The following LCP2 variants were observed in gnomAD, a reference collection of about 807,000 sequenced individuals.
LCP2 encodes the protein 76 kDa tyrosine phosphoprotein.
In LCP2, 29 loss-of-function variants were observed where a neutral mutation model predicts 74.5. The observed-to-expected ratio is 0.39, with a 90% CI of 0.29 to 0.53. The LOEUF (loss-of-function observed/expected upper bound fraction) is 0.53. LCP2 is among the 20% of genes least tolerant of loss of function. LCP2 has a pLI of 0.72. For synonymous variants in LCP2, 228 were observed against 229.5 expected (o/e 0.99, Z 0.06); for missense variants, 604 against 634.6 (o/e 0.95, Z 0.52).
chr5:170,284,468 T>C (rs1157401487), intron 3 of LCP2, among the ~76,000 whole-genome samples: 1 of 151,818 alleles, frequency 6.6e-6, no homozygotes, highest in African/African-American at 2.4e-5. Context: ...TTTTTTTTTT[T>C]TCTGACTGCT....
chr5:170,267,123 G>A, intron 8 of LCP2, 48 bp from the exon 9 acceptor site: 1 of 1,586,972 alleles, frequency 6.3e-7, no homozygotes, highest in Non-Finnish European at 8.6e-7. Context: ...ACATCAGCAA[G>A]AGCCGGCACT....
In LCP2 at chr5:170,256,407, G is replaced by A. The variant is rs939344918; in HGVS notation, c.1150+119C>T. ...AGACACGGAATTAAATGTTGAATGA[G>A]GAAATCAGATGCTTTTAGGAAACAA... On this transcript the variant is annotated intron_variant, in intron 17 of 20. Transcript: ENST00000046794. The surrounding 1 kb of genome is among the most constrained non-coding windows in gnomAD (Gnocchi z 4.5). The A allele has an allele frequency of 2.8e-5, 23 of 816,824 alleles. No homozygotes were observed. In the African/African-American group the frequency reaches 3.2e-4, roughly 12 times the overall value. 50.6% of individuals were successfully genotyped at this position (816,824 alleles called of 1,614,324 possible).
intron 7 of LCP2, among the ~76,000 whole-genome samples, chr5:170,269,880 G>A (rs887956301): frequency 6.6e-6 from 1 of 152,166 alleles, no homozygotes; most frequent in Non-Finnish European, 1.5e-5. Context: ...CTTGATCATG[G>A]TTGTCCTTAT....
At chr5:170,291,672 G>A (rs1189544647) in intron 2 of LCP2, among the ~76,000 whole-genome samples, 1 of 152,210 alleles carries the variant, frequency 6.6e-6, no homozygotes, top group Admixed American at 6.5e-5. Flanking sequence ...CACCCACTAT[G>A]ACCCAGTCCA....
intron 3 of LCP2, among the ~76,000 whole-genome samples, chr5:170,282,379 G>C (rs1362952066): frequency 6.6e-6 from 1 of 152,150 alleles, no homozygotes; most frequent in African/African-American, 2.4e-5. Flanking sequence ...ACAGCACCAG[G>C]CAATTTCTGT....
rs144192447 is a variant in LCP2, at chr5:170,293,405, C to T, written c.79-33G>A. The T allele has an allele frequency of 5.8e-5, 90 of 1,558,826 alleles. No individual in the cohort carries two copies. The African/African-American group carries it at 6.2e-4, about 11-fold the overall frequency. On this transcript the variant is annotated intron_variant, in intron 1 of 20. Coordinates refer to ENST00000046794, the MANE Select transcript of LCP2 (RefSeq NM_005565.5). Reference sequence around the variant, plus strand: ...GAGAAGGGGAAGGTGTTGTTAGTGACGGGCAGTCTCTTACCATTGGTTCCT... The same window carrying T: ...GAGAAGGGGAAGGTGTTGTTAGTGATGGGCAGTCTCTTACCATTGGTTCCT...
chr5:170,253,298 C>A (rs1451132103), intron 17 of LCP2, 85 bp from the exon 18 acceptor site: 4 of 888,470 alleles, frequency 4.5e-6, no homozygotes, highest in Non-Finnish European at 6.9e-6. Context: ...TCCCCCCACT[C>A]CCCCAAAAAA....
intron 3 of LCP2, among the ~76,000 whole-genome samples, chr5:170,283,631 A>G (rs1018979179): frequency 6.6e-6 from 1 of 152,098 alleles, no homozygotes; most frequent in African/African-American, 2.4e-5. Flanking sequence ...TGCTCACTTC[A>G]CTAACACTCT....
chr5:170,268,260 A>G (rs556330909), intron 8 of LCP2, 125 bp downstream of exon 8: 1 of 165,088 alleles, frequency 6.1e-6, no homozygotes, highest in African/African-American at 2.4e-5. Flanking sequence ...CCGAGGGAAA[A>G]GATTATAATC....
intron 7 of LCP2, among the ~76,000 whole-genome samples, chr5:170,270,026 G>A (rs1761867720): frequency 6.6e-6 from 1 of 152,178 alleles, no homozygotes; most frequent in Admixed American, 6.5e-5. Context: ...AATTTTCAGC[G>A]TACTCTCTGA....
At chr5:170,255,139 C>T (rs1486861842) in intron 17 of LCP2, among the ~76,000 whole-genome samples, 1 of 152,108 alleles carries the variant, frequency 6.6e-6, no homozygotes, top group Non-Finnish European at 1.5e-5. Flanking sequence ...TTGCAAAACA[C>T]AGAGAATTTT....
chr5:170,265,266 C>G (rs140565502), intron 10 of LCP2, among the ~76,000 whole-genome samples: 2,960 of 152,212 alleles, frequency 0.019, 104 homozygotes, highest in African/African-American at 0.068. Context: ...GGATTACAGG[C>G]ATGAGCCACC....
intron 3 of LCP2, 45 bp downstream of exon 3, chr5:170,287,925 C>T (rs1762211631): frequency 6.3e-7 from 1 of 1,583,336 alleles, no homozygotes; most frequent in Admixed American, 1.7e-5. Context: ...CTCCCCATTC[C>T]CACCTCTGCT....
intron 1 of LCP2, among the ~76,000 whole-genome samples, 182 bp downstream of exon 1, chr5:170,297,352 G>A (rs991499466): frequency 1.1e-4 from 17 of 152,118 alleles, no homozygotes; most frequent in Non-Finnish European, 2.4e-4. Flanking sequence ...CCTTCTCTCC[G>A]GAACTCATGG....
intron 2 of LCP2, among the ~76,000 whole-genome samples, chr5:170,289,698 T>C (rs886194177): frequency 9.2e-5 from 13 of 141,290 alleles, no homozygotes; most frequent in Admixed American, 7.9e-4. Flanking sequence ...TCTTTCTTTC[T>C]TTCCTTCTTT....
Position 170,258,895 on chromosome 5 carries a change from A to G in LCP2, c.958-17T>C. On this transcript the variant is annotated splice_polypyrimidine_tract_variant and intron_variant, in intron 14 of 20. Transcript: ENST00000046794. ...ATCTTCATCCTGGGAAGGGGAAGAA[A>G]AAAAAAGATATTAAGCTATCATCAA... is the stretch of plus-strand genomic sequence containing the variant. The G allele has an allele frequency of 1.3e-6, 2 of 1,557,364 alleles. No homozygotes were observed. Among genetic ancestry groups the G allele is most frequent in the Non-Finnish European group, 1.8e-6 (2 of 1,138,474 alleles).
Position 170,258,077 on chromosome 5 carries a change from G to C in LCP2, c.1060C>G (p.Pro354Ala). 4.3e-6 allele frequency: 7 copies of C among 1,613,898 alleles called. No homozygotes were observed. The highest frequency in any genetic ancestry group is 5.9e-6 in the Non-Finnish European group (7 of 1,179,790). Residue 354 changes from proline (P) to alanine (A), a missense_variant, in exon 16 of 21, where the codon CCT becomes GCT. Coordinates refer to ENST00000046794, the MANE Select transcript of LCP2 (RefSeq NM_005565.5). ...CCAGGCATGTGAGAGGATGGGAGAG[G>C]GTTCATGGGACTTGGCTTAGTAGAT... ...SRSTKPSPMN[P>A]LPSSHMPGAF...
chr5:170,280,954 A>G (rs1186307632), intron 3 of LCP2, among the ~76,000 whole-genome samples: 3 of 152,206 alleles, frequency 2.0e-5, no homozygotes, highest in Non-Finnish European at 2.9e-5. Flanking sequence ...CAGTGAGCCA[A>G]GATTGCGCCA....
intron 20 of LCP2, among the ~76,000 whole-genome samples, chr5:170,249,641 T>C (rs1049027064): frequency 6.6e-6 from 1 of 152,078 alleles, no homozygotes; most frequent in Middle Eastern, 3.2e-3. Flanking sequence ...CTTCATGATC[T>C]CTCTGCTGTG....
Sources: allele counts gnomAD v4.1 joint callset (sites outside exome capture counted in the v4.1 genomes callset), GRCh38; gene constraint gnomAD v4.1.1; non-coding constraint Gnocchi (gnomAD v3.1); transcripts MANE v1.5; gene names NCBI Gene and HGNC (gene_info 2026-07-23, HGNC 2026-07-21).